Variants in ARMCX4 observed in about 807,000 individuals in gnomAD.
ARMCX4 encodes the protein armadillo repeat-containing X-linked protein 4.
Under a neutral mutation model 34.7 loss-of-function variants are expected in ARMCX4, and 3 were observed. The ratio of observed to expected loss-of-function variants is 0.09; its 90% confidence interval spans 0.04 to 0.22. The LOEUF (loss-of-function observed/expected upper bound fraction) is 0.22. Among genes scored for constraint, ARMCX4 ranks in the 10% least tolerant of loss-of-function variants. The probability of loss-of-function intolerance (pLI) is 1.00; values close to 1 mark genes in which losing one functional copy is unlikely to be tolerated. For synonymous variants in ARMCX4, 513 were observed against 632.8 expected (o/e 0.81, Z 2.84); for missense variants, 1,448 against 1,720.8 (o/e 0.84, Z 2.81).
In ARMCX4 at chrX:101,493,207, A is replaced by G. The variant is rs1556010230; in HGVS notation, c.4618A>G (p.Asn1540Asp). 4.3e-6 allele frequency: 5 copies of G among 1,150,753 alleles called. No individual in the cohort carries two copies. The highest frequency in any genetic ancestry group is 2.3e-6 in the Non-Finnish European group (2 of 871,396). The allele number at this position is 1,150,753 out of a possible 1,213,427, so 94.8% of individuals were successfully genotyped here. Reference sequence around the variant, plus strand: ...TGGAGGGTCTAGGCCAGGGCCCACGAACCAGTCCAGTGCTGGGTCCTGGGA... The same window carrying G: ...TGGAGGGTCTAGGCCAGGGCCCACGGACCAGTCCAGTGCTGGGTCCTGGGA... ...DVGGSRPGPT[N>D]QSSAGSWDSP... is the part of the protein sequence containing the mutation. Residue 1540 changes from asparagine (N) to aspartate (D), a missense_variant, in exon 6 of 6, where the codon AAC becomes GAC. Coordinates refer to ENST00000423738, the MANE Select transcript of ARMCX4 (RefSeq NM_001256155.3).
chrX:101,494,032 GC>G lies in ARMCX4; in HGVS notation c.5444del (p.Ala1815ValfsTer47), dbSNP rs1934091312. On this transcript the variant is annotated frameshift_variant, in exon 6 of 6. Transcript: ENST00000423738. LOFTEE classifies it high-confidence loss of function. ...TGTAGGGGCTGAGGCTGGGGCTGGGGCTGAGGCTGGGGCTGGGGCTGAGGCT... is the reference window on the plus strand; with the variant it reads ...TGTAGGGGCTGAGGCTGGGGCTGGGGTGAGGCTGGGGCTGGGGCTGAGGCT... ...SCVGAEAGAG[A>X]EAGAGAEAGA... The G allele has an allele frequency of 1.2e-6, 1 of 851,947 alleles. No individual in the cohort carries two copies. Among genetic ancestry groups the G allele is most frequent in the Non-Finnish European group, 1.6e-6 (1 of 625,810 alleles). The allele number at this position is 851,947 out of a possible 1,213,427, so 70.2% of individuals were successfully genotyped here.
intron 2 of ARMCX4, among the ~76,000 whole-genome samples, chrX:101,439,114 G>A (rs1251131324): frequency 8.9e-6 from 1 of 112,047 alleles, no homozygotes; most frequent in Non-Finnish European, 1.9e-5. Context: ...GGTACCGGTT[G>A]TTCCTTTCCA....
rs1569337243 is a variant in ARMCX4 at position 101,492,620 on chromosome X, C to T, written c.4031C>T (p.Pro1344Leu). 6.2e-6 allele frequency: 7 copies of T among 1,124,960 alleles called. No homozygotes were observed. Among genetic ancestry groups the T allele is most frequent in the Non-Finnish European group, 8.2e-6 (7 of 857,936 alleles). The allele number at this position is 1,124,960 out of a possible 1,213,427, so 92.7% of individuals were successfully genotyped here. ...GQASGGSMLG[P>L]EDQSSGRSWA... is the part of the protein sequence containing the mutation. The stretch of plus-strand genomic sequence containing the variant: ...GCTAGTGGAGGGTCAATGTTGGGGC[C>T]TGAGGACCAGTCCAGTGGAAGGTCT... Residue 1344 changes from proline to leucine, a missense_variant, in exon 6 of 6, where the codon CCT becomes CTT. By Grantham distance (98) the Pro-to-Leu change is moderately conservative. This residue lies in a region of ARMCX4 where 1,343 missense variants were observed against 1,540.7 expected (regional missense o/e 0.87). Transcript: ENST00000423738.
chrX:101,518,941 A>G (rs1227581189), intron 11 of ARMCX4, among the ~76,000 whole-genome samples: 2 of 111,239 alleles, frequency 1.8e-5, no homozygotes, highest in Admixed American at 9.6e-5. Context: ...ACAGCATAGC[A>G]TTGAAATATA....
intron 8 of ARMCX4, among the ~76,000 whole-genome samples, chrX:101,505,871 C>T (rs985400469): frequency 4.5e-5 from 5 of 111,864 alleles, no homozygotes; most frequent in Middle Eastern, 4.6e-3. Context: ...GATGGATTTT[C>T]GCTCTTATTG....
intron 2 of ARMCX4, among the ~76,000 whole-genome samples, chrX:101,434,169 ACTG>A (rs1304418726): frequency 9.1e-6 from 1 of 109,422 alleles, no homozygotes; most frequent in Non-Finnish European, 1.9e-5. Context: ...CTGATCTTGA[ACTG>A]CTGAGCTCAA....
chrX:101,438,569 C>T (rs188272235), intron 2 of ARMCX4, among the ~76,000 whole-genome samples: 326 of 109,941 alleles, frequency 3.0e-3, no homozygotes, highest in African/African-American at 9.2e-3. Context: ...TGTTCCCCCC[C>T]CAAAAAAAGT....
Position 101,490,446 on chromosome X carries a change from G to A in ARMCX4, c.1857G>A (p.Gly619=). The A allele has an allele frequency of 8.7e-7, 1 of 1,154,730 alleles. No homozygotes were observed. The highest frequency in any genetic ancestry group is 1.8e-5 in the African/African-American group (1 of 55,957). The change falls in exon 6 of 6, where the codon GGG becomes GGA. Residue 619 remains glycine (G), a synonymous_variant. Transcript: ENST00000423738. The part of the protein sequence containing the change: ...KGNPHTVLKV[G]AGEGTTDSAQ... ...ATCCCCATACTGTGCTTAAGGTGGG[G>A]GCTGGAGAAGGTACAACAGACTCTG...
chrX:101,495,046 A>G lies in ARMCX4; in HGVS notation c.6457A>G (p.Ile2153Val). Residue 2153 changes from isoleucine to valine, a missense_variant, in exon 6 of 6, where the codon ATT becomes GTT. Transcript: ENST00000423738. ...ACTAAGGTTGATAAGGCATCTGACT[A>G]TTACCAGTGAATATCAGCATATGGT... ...AGLRLIRHLT[I>V]TSEYQHMVTN... 1 of 1,152,556 alleles carries G rather than the reference A, an allele frequency of 8.7e-7. No individual in the cohort carries two copies. The highest frequency in any genetic ancestry group is 1.1e-6 in the Non-Finnish European group (1 of 869,633). 95.0% of individuals were successfully genotyped at this position (1,152,556 alleles called of 1,213,427 possible).
exon 12 of ARMCX4, chrX:101,531,839 A>G (rs911939648): frequency 5.4e-5 from 6 of 111,860 alleles, no homozygotes; most frequent in Non-Finnish European, 9.4e-5. Context: ...ACCTTTCATC[A>G]TCATGAAAAC....
upstream of ARMCX4, among the ~76,000 whole-genome samples, chrX:101,482,227 C>T (rs782005189): frequency 9.1e-6 from 1 of 110,333 alleles, no homozygotes; most frequent in Non-Finnish European, 1.9e-5. Context: ...GAGCAAGACT[C>T]CATATAAAAA....
At chrX:101,444,290 C>T (rs1196873104) in intron 3 of ARMCX4, 3 of 146,710 alleles carry the variant, frequency 2.0e-5, no homozygotes, top group African/African-American at 6.3e-5. Flanking sequence ...TAATTGGGCT[C>T]ATCTGAGCAT....
At chrX:101,476,047 A>G (rs1284926587) in intron 4 of ARMCX4, among the ~76,000 whole-genome samples, 2 of 111,155 alleles carry the variant, frequency 1.8e-5, no homozygotes, top group Non-Finnish European at 1.9e-5. Context: ...TTTCAAATGC[A>G]CTTGGTTTTA....
At chrX:101,439,939 G>T (rs1488219735) in intron 2 of ARMCX4, among the ~76,000 whole-genome samples, 1 of 111,300 alleles carries the variant, frequency 9.0e-6, no homozygotes, top group Admixed American at 9.6e-5. Flanking sequence ...CCTTTAGCTC[G>T]GAGTAGTTTG....
At chrX:101,437,266 A>T (rs1326348740) in intron 2 of ARMCX4, among the ~76,000 whole-genome samples, 2 of 111,723 alleles carry the variant, frequency 1.8e-5, no homozygotes, top group African/African-American at 6.5e-5. Context: ...CTGTGAATCC[A>T]TCTGGTCCTG....
At chrX:101,527,052 C>G (rs1411221567) in intron 11 of ARMCX4, among the ~76,000 whole-genome samples, 5 of 111,928 alleles carry the variant, frequency 4.5e-5, no homozygotes, top group Admixed American at 2.9e-4. Context: ...CCACATCGCA[C>G]TTATTCCAAA....
intron 11 of ARMCX4, among the ~76,000 whole-genome samples, chrX:101,515,381 T>TTCTTTCTTTCTTTCTTTC (rs782141206): frequency 4.1e-4 from 5 of 12,249 alleles, no homozygotes; most frequent in Non-Finnish European, 6.5e-4. Flanking sequence ...CTTTCTTTCT[T>TTCTTTCTTTCTTTCTTTC]TTTCTTTCTT....
chrX:101,468,623 T>C (rs1363447567), intron 4 of ARMCX4, among the ~76,000 whole-genome samples: 1 of 107,960 alleles, frequency 9.3e-6, no homozygotes, highest in Non-Finnish European at 1.9e-5. Context: ...TTTCTTTTCT[T>C]TTTTTTTTGA....
In ARMCX4 at chrX:101,490,122, A is replaced by G. The variant is rs1556008246; in HGVS notation, c.1533A>G (p.Gln511=). ...KEGAGVDMKA[Q]GMAQSQGEAL... ...GAGCTGGGGTGGATATGAAGGCTCA[A>G]GGTATGGCCCAGAGCCAGGGTGAAG... The change falls in exon 6 of 6, where the codon CAA becomes CAG. Residue 511 remains glutamine (Q), a synonymous_variant. Transcript: ENST00000423738. 1 of 1,156,127 alleles carries G rather than the reference A, an allele frequency of 8.6e-7. No individual in the cohort carries two copies. The highest frequency in any genetic ancestry group is 1.1e-6 in the Non-Finnish European group (1 of 872,921).
Sources: gnomAD v4.1 joint callset for allele counts (sites outside exome capture counted in the v4.1 genomes callset) on GRCh38, gnomAD v4.1.1 for gene constraint, gnomAD v4.1.1 regional missense constraint, MANE v1.5 for transcripts, NCBI Gene and HGNC (gene_info 2026-07-23, HGNC 2026-07-21) for gene names.